Variants in HS6ST2 observed in about 807,000 individuals in gnomAD.
The protein encoded by HS6ST2 is heparan-sulfate 6-O-sulfotransferase 2.
HS6ST2 carries 17 observed loss-of-function variants against 33.0 expected under a neutral mutation model. The ratio of observed to expected loss-of-function variants is 0.52; its 90% CI spans 0.35 to 0.77. The LOEUF (loss-of-function observed/expected upper bound fraction) is 0.77. HS6ST2 is among the 30% of genes least tolerant of loss of function. The pLI is 0.01. For missense variants in HS6ST2, 519 were observed against 551.7 expected, an observed-to-expected ratio of 0.94 and a Z score of 0.59; for synonymous variants, 248 against 237.1, an observed-to-expected ratio of 1.05 and a Z score of -0.42.
At chrX:132,688,237 A>G (rs1054926835) in intron 3 of HS6ST2, among the ~76,000 whole-genome samples, 1 of 112,272 alleles carries the variant, frequency 8.9e-6, no homozygotes, top group African/African-American at 3.2e-5. Context: ...CAGAGCCAAA[A>G]GTAAGAGAGC....
intron 2 of HS6ST2, among the ~76,000 whole-genome samples, chrX:132,928,118 A>AT (rs1266571810): frequency 9.9e-6 from 1 of 101,210 alleles, no homozygotes; most frequent in African/African-American, 3.6e-5. Flanking sequence ...GTTGCCACAC[A>AT]CTTTTTTTTT....
chrX:132,908,140 T>C (rs1428841935), intron 2 of HS6ST2, among the ~76,000 whole-genome samples: 1 of 112,036 alleles, frequency 8.9e-6, no homozygotes, highest in African/African-American at 3.2e-5. Flanking sequence ...AATATACAAA[T>C]AGAAATTAAG....
rs3065679 is a variant in HS6ST2 at position 132,756,820 on chromosome X, G to GGTGTGTGTGTGTGTGTGTGTGT, written c.948-48348_948-48327dup. ...CTTGCTCTCCCATTCCCCTGTGCAT[G>GGTGTGTGTGTGTGTGTGTGTGT]GTGTGTGTGTGTGTGTGTGTGTGTG... is the stretch of plus-strand genomic sequence containing the variant. On this transcript the variant is annotated intron_variant, in intron 2 of 4. Transcript: ENST00000370833. 2.1e-4 allele frequency among the ~76,000 whole-genome samples: 20 copies of GGTGTGTGTGTGTGTGTGTGTGT among 97,337 alleles called. No individual in the cohort carries two copies. The East Asian group carries it at 6.8e-3, about 33-fold the overall frequency. 84.5% of individuals were successfully genotyped at this position (97,337 alleles called of 115,157 possible). A position where few individuals can be genotyped will look rare whatever the true frequency, so the allele number is the denominator to read the frequency against.
intron 3 of HS6ST2, among the ~76,000 whole-genome samples, chrX:132,698,164 A>T (rs1311703352): frequency 9.0e-6 from 1 of 111,682 alleles, no homozygotes. Context: ...ATTGTATCTC[A>T]TCGAAGTGGT....
At chrX:132,680,292 T>TG (rs2063959031) in intron 3 of HS6ST2, among the ~76,000 whole-genome samples, 1 of 111,181 alleles carries the variant, frequency 9.0e-6, no homozygotes, top group South Asian at 3.8e-4. Context: ...TCCCTCTGTT[T>TG]GGGGTCCCTG....
At chrX:132,835,471 C>T (rs900090942) in intron 2 of HS6ST2, among the ~76,000 whole-genome samples, 1 of 111,636 alleles carries the variant, frequency 9.0e-6, no homozygotes, top group Admixed American at 9.5e-5. Flanking sequence ...AAACAGTACC[C>T]GATGATTACT....
chrX:132,630,062 G>T (rs1334538926), intron 4 of HS6ST2, among the ~76,000 whole-genome samples: 1 of 111,668 alleles, frequency 9.0e-6, no homozygotes, highest in Non-Finnish European at 1.9e-5. Flanking sequence ...CACCATACAT[G>T]GTAGGCACAC....
At chrX:132,864,178 C>G (rs1464273946) in intron 2 of HS6ST2, among the ~76,000 whole-genome samples, 1 of 109,819 alleles carries the variant, frequency 9.1e-6, no homozygotes, top group Non-Finnish European at 1.9e-5. Context: ...ATTCCAAAAA[C>G]CAGCACGCCT....
intron 2 of HS6ST2, among the ~76,000 whole-genome samples, chrX:132,879,384 G>A (rs909938703): frequency 8.9e-6 from 1 of 111,883 alleles, no homozygotes; most frequent in Non-Finnish European, 1.9e-5. Flanking sequence ...GTTCTAAACT[G>A]TAACCCATTT....
intron 4 of HS6ST2, among the ~76,000 whole-genome samples, chrX:132,647,287 C>T (rs776626985): frequency 1.6e-4 from 18 of 110,736 alleles, no homozygotes; most frequent in Admixed American, 4.8e-4. Flanking sequence ...CCTGTCCTGA[C>T]GCCATAACTC....
chrX:132,682,638 CTT>C (rs530839541), intron 3 of HS6ST2, among the ~76,000 whole-genome samples: 15 of 91,586 alleles, frequency 1.6e-4, no homozygotes, highest in Non-Finnish European at 1.8e-4. Flanking sequence ...ATGACGTTTA[CTT>C]TTTTTTTTTT....
chrX:132,881,785 T>C (rs1459231529), intron 2 of HS6ST2, among the ~76,000 whole-genome samples: 1 of 111,956 alleles, frequency 8.9e-6, no homozygotes, highest in African/African-American at 3.2e-5. Context: ...TTAATCCATC[T>C]TGAATTAATT....
intron 2 of HS6ST2, among the ~76,000 whole-genome samples, chrX:132,823,263 A>G (rs1440579559): frequency 1.8e-5 from 2 of 111,907 alleles, no homozygotes; most frequent in African/African-American, 6.5e-5. Context: ...AATGGAACTT[A>G]CATATTTTTT....
intron 2 of HS6ST2, among the ~76,000 whole-genome samples, chrX:132,741,349 G>T (rs1278324956): frequency 9.2e-6 from 1 of 108,297 alleles, no homozygotes. Flanking sequence ...GCCCAAGCTG[G>T]AGTACAGTGG....
intron 2 of HS6ST2, among the ~76,000 whole-genome samples, chrX:132,721,300 T>C (rs946485696): frequency 2.7e-5 from 3 of 111,596 alleles, no homozygotes; most frequent in East Asian, 2.8e-4. Flanking sequence ...CAAAAATATA[T>C]AAAAACTAAA....
intron 3 of HS6ST2, among the ~76,000 whole-genome samples, chrX:132,704,520 C>T (rs1227569440): frequency 9.0e-6 from 1 of 110,863 alleles, no homozygotes; most frequent in African/African-American, 3.3e-5. Context: ...CGCCATTGAA[C>T]TCCAGTCTGG....
chrX:132,838,761 C>A (rs1033074638), intron 2 of HS6ST2, among the ~76,000 whole-genome samples: 13 of 109,704 alleles, frequency 1.2e-4, no homozygotes, highest in Non-Finnish European at 2.3e-4. Flanking sequence ...GAACATACCA[C>A]CTGCCGTCAC....
chrX:132,844,784 T>G (rs191830631), intron 2 of HS6ST2, among the ~76,000 whole-genome samples: 3 of 111,674 alleles, frequency 2.7e-5, no homozygotes, highest in Non-Finnish European at 1.9e-5. Flanking sequence ...CACTGAATAA[T>G]CTAATCCTAA....
intron 2 of HS6ST2, among the ~76,000 whole-genome samples, chrX:132,909,731 G>A (rs1461182074): frequency 1.8e-5 from 2 of 110,578 alleles, no homozygotes; most frequent in Non-Finnish European, 3.8e-5. Flanking sequence ...TTTTCCTGGG[G>A]CATTATATTT....
Sources: allele counts gnomAD v4.1 joint callset (sites outside exome capture counted in the v4.1 genomes callset), GRCh38; gene constraint gnomAD v4.1.1; transcripts MANE v1.5; gene names NCBI Gene and HGNC (gene_info 2026-07-23, HGNC 2026-07-21).